Variants in PRKCB observed in about 807,000 individuals in gnomAD.
PRKCB encodes the protein protein kinase C beta, also known as protein kinase C beta type.
In PRKCB, 13 loss-of-function variants were observed where a neutral mutation model predicts 81.5. The ratio of observed to expected loss-of-function variants is 0.16; its 90% CI spans 0.10 to 0.25. The LOEUF (loss-of-function observed/expected upper bound fraction) is 0.25. Ranked by LOEUF, PRKCB falls within the 10% of genes least tolerant of loss-of-function variation. The pLI is 1.00. For missense variants in PRKCB, 509 were observed against 875.7 expected (o/e 0.58, Z 5.29); for synonymous variants, 335 against 321.4 (o/e 1.04, Z -0.45).
Position 24,215,875 on chromosome 16 carries a change from A to G in PRKCB, c.*1059A>G, listed in dbSNP as rs1968219714. On this transcript the variant is annotated 3_prime_UTR_variant, in exon 17 of 17. Coordinates refer to ENST00000643927, the MANE Select transcript of PRKCB (RefSeq NM_002738.7). ...GAAAAAGACACCGTTTCTTGAAACA[A>G]AGATGGTTGTATTCCTCACTTTGAT... 1.0e-6 allele frequency: 1 copy of G among 985,432 alleles called. No homozygotes were observed. 61.0% of individuals were successfully genotyped at this position (985,432 alleles called of 1,614,324 possible). A position where few individuals can be genotyped will look rare whatever the true frequency, so the allele number is the denominator to read the frequency against.
At chr16:23,923,542 A>G (rs1017957580) in intron 2 of PRKCB, among the ~76,000 whole-genome samples, 1 of 152,122 alleles carries the variant, frequency 6.6e-6, no homozygotes, top group African/African-American at 2.4e-5. Context: ...AAGAGTGGGA[A>G]AGGAATAGTT....
intron 8 of PRKCB, among the ~76,000 whole-genome samples, chr16:24,119,482 A>G (rs1966773477): frequency 6.6e-6 from 1 of 152,132 alleles, no homozygotes; most frequent in Admixed American, 6.5e-5. Context: ...AGGATGGGAA[A>G]TGGGAACTGG....
Position 24,071,225 on chromosome 16 carries a change from C to A in PRKCB, c.530-21566C>A, listed in dbSNP as rs117763574. 2.1e-4 allele frequency among the ~76,000 whole-genome samples: 32 copies of A among 152,160 alleles called. 1 individual carries two copies. The East Asian group carries it at 6.2e-3, about 29-fold the overall frequency. On this transcript the variant is annotated intron_variant, in intron 5 of 16. Transcript: ENST00000643927. ...TTCTCTCTTGGCTTTCCATTTGAGA[C>A]TTACTCTGCCTTCAGACCTCTCAGA...
chr16:23,880,710 A>ATT (rs138012511), intron 2 of PRKCB, among the ~76,000 whole-genome samples: 5 of 151,184 alleles, frequency 3.3e-5, no homozygotes, highest in African/African-American at 1.2e-4. Flanking sequence ...TCGCTAAAAC[A>ATT]TTTTTTTTTC....
At chr16:23,846,888 G>A (rs558718928) in intron 2 of PRKCB, among the ~76,000 whole-genome samples, 1 of 152,224 alleles carries the variant, frequency 6.6e-6, no homozygotes, top group South Asian at 2.1e-4. Flanking sequence ...GTGCTAAGCT[G>A]TTAATCATTA....
chr16:24,218,942 G>A lies in PRKCB; in HGVS notation c.*4126G>A, dbSNP rs1968275957. 1.0e-6 allele frequency: 1 copy of A among 985,276 alleles called. No individual in the cohort carries two copies. The highest frequency in any genetic ancestry group is 4.7e-5 in the South Asian group (1 of 21,288). 61.0% of individuals were successfully genotyped at this position (985,276 alleles called of 1,614,324 possible). ...AAAATCAGGAACCCACTGAAATCTT[G>A]GGCAAGCCACCCTGCCTGCTTGTGC... On this transcript the variant is annotated 3_prime_UTR_variant, in exon 17 of 17. Coordinates refer to ENST00000643927, the MANE Select transcript of PRKCB (RefSeq NM_002738.7).
intron 5 of PRKCB, among the ~76,000 whole-genome samples, chr16:24,065,008 A>AT (rs1458619458): frequency 1.4e-4 from 20 of 147,978 alleles, no homozygotes; most frequent in African/African-American, 4.9e-4. Context: ...ATATATATAT[A>AT]AAAAGACTGA....
At chr16:24,020,000 A>G (rs986461593) in intron 3 of PRKCB, among the ~76,000 whole-genome samples, 19 of 152,182 alleles carry the variant, frequency 1.2e-4, no homozygotes, top group Non-Finnish European at 1.5e-5. Flanking sequence ...CCTTCGTCCA[A>G]CGTGATGGAG....
chr16:24,035,655 C>G, intron 5 of PRKCB, 108 bp downstream of exon 5: 1 of 1,117,218 alleles, frequency 9.0e-7, no homozygotes, highest in East Asian at 2.9e-5. Context: ...GTGGGGCAGT[C>G]CAGGGACGGG....
At chr16:24,146,629 G>A (rs1322964145) in intron 9 of PRKCB, among the ~76,000 whole-genome samples, 3 of 152,120 alleles carry the variant, frequency 2.0e-5, no homozygotes, top group Non-Finnish European at 4.4e-5. Flanking sequence ...ATTGGGATTC[G>A]CCAGTAAAGT....
intron 5 of PRKCB, among the ~76,000 whole-genome samples, chr16:24,066,155 T>C (rs936437287): frequency 3.3e-5 from 5 of 151,786 alleles, no homozygotes; most frequent in Non-Finnish European, 1.5e-5. Flanking sequence ...ACTTCTTGCC[T>C]CTTTAACTTG....
At chr16:24,031,437 T>C (rs917669162) in intron 3 of PRKCB, among the ~76,000 whole-genome samples, 2 of 152,106 alleles carry the variant, frequency 1.3e-5, no homozygotes, top group African/African-American at 4.8e-5. Context: ...TGCATTTCCA[T>C]TTGAAGGGAA....
In PRKCB at chr16:24,191,031, G is replaced by A. The variant is rs539522052; in HGVS notation, c.1723-59G>A. The stretch of plus-strand genomic sequence containing the variant: ...AATGCATTGGAGTAATAATTTCTGA[G>A]TGTCTTACATTTCCTCTTCTGAAAC... On this transcript the variant is annotated intron_variant, in intron 15 of 16. Transcript: ENST00000643927. 55 of 1,558,566 alleles carry A rather than the reference G, an allele frequency of 3.5e-5. No homozygotes were observed. The South Asian group carries it at 5.3e-4, about 15-fold the overall frequency.
intron 7 of PRKCB, among the ~76,000 whole-genome samples, chr16:24,107,438 T>C (rs1039234904): frequency 1.3e-4 from 20 of 152,212 alleles, no homozygotes; most frequent in Admixed American, 1.2e-3. Flanking sequence ...CAGGAGTCTT[T>C]TGTATTTTTT....
chr16:23,880,657 C>G (rs1963091719), intron 2 of PRKCB, among the ~76,000 whole-genome samples: 1 of 151,910 alleles, frequency 6.6e-6, no homozygotes, highest in Non-Finnish European at 1.5e-5. Context: ...CTCTGGGATC[C>G]CCTAGGGTTT....
At chr16:24,099,971 CA>C (rs35019900) in intron 7 of PRKCB, 62,796 of 99,930 alleles carry the variant, frequency 0.63, 16,515 homozygotes, top group Middle Eastern at 0.71. Context: ...GACTCCATCT[CA>C]AAAAAAAAAA....
chr16:23,948,107 G>C (rs1475637014), intron 2 of PRKCB, among the ~76,000 whole-genome samples: 1 of 152,096 alleles, frequency 6.6e-6, no homozygotes, highest in Non-Finnish European at 1.5e-5. Context: ...GAGGTGTTAA[G>C]TATGTCCAGA....
chr16:23,871,070 C>G (rs1227963630), intron 2 of PRKCB, among the ~76,000 whole-genome samples: 2 of 152,188 alleles, frequency 1.3e-5, no homozygotes, highest in Non-Finnish European at 2.9e-5. Flanking sequence ...AACGGTACTG[C>G]AGGATGAGCT....
chr16:24,056,632 G>A (rs1049792394), intron 5 of PRKCB, among the ~76,000 whole-genome samples: 9 of 152,036 alleles, frequency 5.9e-5, no homozygotes, highest in Non-Finnish European at 1.3e-4. Context: ...ACGAGTTCTC[G>A]CTCCATGTTC....
Sources: gnomAD v4.1 joint callset for allele counts (sites outside exome capture counted in the v4.1 genomes callset) on GRCh38, gnomAD v4.1.1 for gene constraint, MANE v1.5 for transcripts, NCBI Gene and HGNC (gene_info 2026-07-23, HGNC 2026-07-21) for gene names.